The following JADE1 variants were observed in gnomAD, a reference collection of about 807,000 sequenced individuals.
JADE1 encodes protein Jade-1.
Under a neutral mutation model 81.8 loss-of-function variants are expected in JADE1, and 14 were observed. The observed-to-expected ratio is 0.17, with a 90% CI of 0.11 to 0.27. The LOEUF is 0.27. Among genes scored for constraint, JADE1 ranks in the 10% least tolerant of loss-of-function variants. JADE1 has a pLI of 1.00. For synonymous variants in JADE1, 353 were observed against 391.9 expected (o/e 0.90, Z 1.17); for missense variants, 690 against 1,047.9 (o/e 0.66, Z 4.71).
Position 128,843,272 on chromosome 4 carries a change from A to G in JADE1, c.138+234A>G, listed in dbSNP as rs549999959. ...AAAGCATGTGAATAGTTGCTGGCAC[A>G]TAAAAAGTGCTCAGTAAATGTTAGT... On this transcript the variant is annotated intron_variant, in intron 3 of 10. Coordinates refer to ENST00000226319, the MANE Select transcript of JADE1 (RefSeq NM_199320.4). Among the ~76,000 whole-genome samples, 33 of 152,390 alleles carry G rather than the reference A, an allele frequency of 2.2e-4. 1 individual carries two copies. The South Asian group carries it at 6.8e-3, about 32-fold the overall frequency.
intron 2 of JADE1, among the ~76,000 whole-genome samples, chr4:128,832,847 G>A (rs1343327372): frequency 6.6e-6 from 1 of 152,246 alleles, no homozygotes; most frequent in African/African-American, 2.4e-5. Flanking sequence ...CTTTGCTGCT[G>A]TAGGTGCCAC....
chr4:128,871,874 G>A lies in JADE1; in HGVS notation c.2141G>A (p.Arg714Lys). The change falls in exon 11 of 11, where the codon AGG (arginine) becomes AAG (lysine). Residue 714 changes from arginine to lysine, a missense_variant. Arg to Lys is a conservative substitution (Grantham distance 26, BLOSUM62 2). Transcript: ENST00000226319. This position sits in a 1 kb window ranked among gnomAD's most constrained non-coding sequence, Gnocchi z 4.1. ...GTGGGGCAGTCAGCACCTGGCACAAGGAAGGAGATAGTGCCCAAGTGCAAT... is the reference window on the plus strand; with the variant it reads ...GTGGGGCAGTCAGCACCTGGCACAAAGAAGGAGATAGTGCCCAAGTGCAAT... ...PGVGQSAPGTRKEIVPKCNGS... is the reference protein window; with the variant it reads ...PGVGQSAPGTKKEIVPKCNGS... 1 of 1,614,080 alleles carries A rather than the reference G, an allele frequency of 6.2e-7. No individual in the cohort carries two copies. The highest frequency in any genetic ancestry group is 1.1e-5 in the South Asian group (1 of 91,078).
intron 1 of JADE1, chr4:128,831,330 A>C (rs1216545599): frequency 3.2e-5 from 5 of 154,540 alleles, no homozygotes; most frequent in Admixed American, 6.6e-5. Context: ...ACCCCACCCC[A>C]CCCCCCACAT....
intron 1 of JADE1, among the ~76,000 whole-genome samples, chr4:128,826,239 A>C (rs1356303630): frequency 6.6e-6 from 1 of 152,146 alleles, no homozygotes; most frequent in East Asian, 1.9e-4. Context: ...GAGGGCATCT[A>C]TTGTAGCCAC....
At chr4:128,829,987 C>G (rs956296404) in intron 1 of JADE1, among the ~76,000 whole-genome samples, 1 of 151,320 alleles carries the variant, frequency 6.6e-6, no homozygotes, top group African/African-American at 2.4e-5. Flanking sequence ...AAGTGATTCT[C>G]CTGCTTGAGC....
chr4:128,827,193 T>G (rs1278691724), intron 1 of JADE1, among the ~76,000 whole-genome samples: 1 of 152,206 alleles, frequency 6.6e-6, no homozygotes, highest in Non-Finnish European at 1.5e-5. Context: ...GTGTTCCCTG[T>G]ACCTACCACC....
chr4:128,824,006 T>C (rs980644515), intron 1 of JADE1, among the ~76,000 whole-genome samples: 2 of 152,210 alleles, frequency 1.3e-5, no homozygotes, highest in African/African-American at 4.8e-5. Flanking sequence ...AAGACAAAAG[T>C]GACCAATTAT....
intron 3 of JADE1, among the ~76,000 whole-genome samples, chr4:128,844,124 G>A (rs73850009): frequency 0.025 from 3,799 of 151,842 alleles, 169 homozygotes; most frequent in African/African-American, 0.086. Context: ...TTAATTCCTT[G>A]TGCTGTGTCT....
At chr4:128,826,140 G>A (rs1728041095) in intron 1 of JADE1, among the ~76,000 whole-genome samples, 1 of 152,300 alleles carries the variant, frequency 6.6e-6, no homozygotes, top group African/African-American at 2.4e-5. Flanking sequence ...GACACTCCAG[G>A]CTCCGATAAG....
chr4:128,837,507 G>A (rs570839674), intron 2 of JADE1, among the ~76,000 whole-genome samples: 28 of 152,310 alleles, frequency 1.8e-4, no homozygotes, highest in African/African-American at 6.7e-4. Flanking sequence ...GGTAGGTATA[G>A]GGTCAGCCTC....
intron 1 of JADE1, among the ~76,000 whole-genome samples, chr4:128,830,068 G>A (rs1728412982): frequency 6.6e-6 from 1 of 151,590 alleles, no homozygotes; most frequent in African/African-American, 2.4e-5. Context: ...AGTAGAGGCA[G>A]GGTTTCACCG....
intron 3 of JADE1, among the ~76,000 whole-genome samples, chr4:128,843,458 A>T (rs1166995641): frequency 6.6e-6 from 1 of 152,210 alleles, no homozygotes; most frequent in Non-Finnish European, 1.5e-5. Flanking sequence ...TTATTTGGCA[A>T]CAAGCAAAAC....
intron 1 of JADE1, among the ~76,000 whole-genome samples, chr4:128,820,011 CCT>C (rs1168122606): frequency 6.6e-6 from 1 of 152,188 alleles, no homozygotes; most frequent in Admixed American, 6.5e-5. Context: ...TCCATGTACT[CCT>C]CTTTAAAAGT....
chr4:128,867,785 GAAATTTAA>G (rs1731890677), intron 9 of JADE1, 63 bp from the exon 10 acceptor site: 1 of 961,646 alleles, frequency 1.0e-6, no homozygotes, highest in Admixed American at 2.1e-5. Flanking sequence ...CTTAGGTAAA[GAAATTTAA>G]AAAGCACCAA....
rs148102723 is a variant in JADE1, at chr4:128,828,752, G to A, written c.-26-2981G>A. Among the ~76,000 whole-genome samples, 106 of 152,218 alleles carry A rather than the reference G, an allele frequency of 7.0e-4. 2 individuals are homozygous for A. In the East Asian group the frequency reaches 0.019, roughly 28 times the overall value. On this transcript the variant is annotated intron_variant, in intron 1 of 10. Coordinates refer to ENST00000226319, the MANE Select transcript of JADE1 (RefSeq NM_199320.4). The stretch of plus-strand genomic sequence containing the variant: ...CTCAGGGAGTTGTGTTTGAAAGCTG[G>A]AAAGTAAGCATTTTGATTCAAAAAG...
intron 3 of JADE1, among the ~76,000 whole-genome samples, chr4:128,845,617 T>C (rs1729802799): frequency 6.6e-6 from 1 of 152,026 alleles, no homozygotes; most frequent in South Asian, 2.1e-4. Context: ...AGTCTCATTA[T>C]AGAAGGTGAG....
chr4:128,827,709 G>A lies in JADE1; in HGVS notation c.-26-4024G>A, dbSNP rs147828674. 219 of 162,824 alleles carry A rather than the reference G, an allele frequency of 1.3e-3. 1 individual carries two copies. Among genetic ancestry groups the A allele is most frequent in the African/African-American group, 5.0e-3 (208 of 41,668 alleles). 10.1% of individuals were successfully genotyped at this position (162,824 alleles called of 1,614,324 possible). A position where few individuals can be genotyped will look rare whatever the true frequency, so the allele number is the denominator to read the frequency against. On this transcript the variant is annotated intron_variant, in intron 1 of 10. Coordinates refer to ENST00000226319, the MANE Select transcript of JADE1 (RefSeq NM_199320.4). ...ATTTGTTGTTTTAATAATTGGAAGT[G>A]GGAAGAGATCATAGTTTGGAGAATA...
At chr4:128,858,581 T>A (rs1413746463) in intron 8 of JADE1, among the ~76,000 whole-genome samples, 1 of 149,562 alleles carries the variant, frequency 6.7e-6, no homozygotes, top group Non-Finnish European at 1.5e-5. Context: ...TGATAAATAC[T>A]TTTTGGGAAG....
Position 128,871,816 on chromosome 4 carries a change from C to T in JADE1, c.2083C>T (p.Leu695=), listed in dbSNP as rs779541380. The part of the protein sequence containing the change: ...LRSTDVSQRH[L]DNTRAATSPG... ...GTCCACAGATGTGTCCCAGAGGCATCTGGACAACACAAGAGCTGCCACCTC... is the reference window on the plus strand; with the variant it reads ...GTCCACAGATGTGTCCCAGAGGCATTTGGACAACACAAGAGCTGCCACCTC... The change falls in exon 11 of 11, where the codon CTG becomes TTG. Residue 695 remains leucine, a synonymous_variant. Coordinates refer to ENST00000226319, the MANE Select transcript of JADE1 (RefSeq NM_199320.4). The surrounding 1 kb of genome is among the most constrained non-coding windows in gnomAD (Gnocchi z 4.1). 1.2e-6 allele frequency: 2 copies of T among 1,614,110 alleles called. No individual in the cohort carries two copies. Among genetic ancestry groups the T allele is most frequent in the Non-Finnish European group, 1.7e-6 (2 of 1,180,002 alleles).
Sources: allele counts gnomAD v4.1 joint callset (sites outside exome capture counted in the v4.1 genomes callset), GRCh38; gene constraint gnomAD v4.1.1; non-coding constraint Gnocchi (gnomAD v3.1); transcripts MANE v1.5; gene names NCBI Gene and HGNC (gene_info 2026-07-23, HGNC 2026-07-21).